WDPCP: variants seen among roughly 807,000 people sequenced by gnomAD.
WDPCP encodes the protein WD repeat-containing and planar cell polarity effector protein fritz homolog.
In WDPCP, 71 loss-of-function variants were observed where a neutral mutation model predicts 93.1. The ratio of observed to expected loss-of-function variants is 0.76; its 90% CI spans 0.63 to 0.93. WDPCP has a LOEUF of 0.93. WDPCP is among the 40% of genes least tolerant of loss of function. The pLI, the probability that WDPCP is intolerant of heterozygous loss-of-function variation, is 0.00. For missense variants in WDPCP, 844 were observed against 887.4 expected (o/e 0.95, Z 0.62); for synonymous variants, 315 against 315.0 (o/e 1.00, Z 0.00).
upstream of WDPCP, chr2:63,589,137 G>C: frequency 6.2e-7 from 1 of 1,613,726 alleles, no homozygotes; most frequent in Non-Finnish European, 8.5e-7. Flanking sequence ...GGAGGCAGCT[G>C]TGCAAGGCAC....
At chr2:63,520,364 T>C (rs1023327467) in intron 1 of WDPCP, among the ~76,000 whole-genome samples, 2 of 152,158 alleles carry the variant, frequency 1.3e-5, no homozygotes, top group African/African-American at 4.8e-5. Context: ...GAGGCCAACA[T>C]TCAAATTCAG....
At chr2:63,405,997 G>C (rs1042522223) in intron 9 of WDPCP, among the ~76,000 whole-genome samples, 1 of 152,136 alleles carries the variant, frequency 6.6e-6, no homozygotes, top group African/African-American at 2.4e-5. Flanking sequence ...AGTAATGTAA[G>C]ATGTCACTGG....
chr2:63,754,806 T>A (rs2103894872), intron 2 of WDPCP, among the ~76,000 whole-genome samples: 1 of 152,360 alleles, frequency 6.6e-6, no homozygotes, highest in East Asian at 1.9e-4. Context: ...TGCTGCTGCA[T>A]AACAAACTTA....
At chr2:63,343,626 G>C (rs1689001461) in intron 12 of WDPCP, among the ~76,000 whole-genome samples, 1 of 152,030 alleles carries the variant, frequency 6.6e-6, no homozygotes, top group Non-Finnish European at 1.5e-5. Flanking sequence ...TCTTCTGATA[G>C]TCTTTCTTCT....
intron 15 of WDPCP, among the ~76,000 whole-genome samples, chr2:63,156,592 G>T (rs1672267536): frequency 6.6e-6 from 1 of 151,934 alleles, no homozygotes; most frequent in African/African-American, 2.4e-5. Context: ...AAAAAAATTA[G>T]CCAGGCGTGG....
chr2:63,651,470 CACAG>C (rs1710108847), intron 2 of WDPCP, among the ~76,000 whole-genome samples: 3 of 151,742 alleles, frequency 2.0e-5, no homozygotes, highest in Admixed American at 6.6e-5. Context: ...CACACACACA[CACAG>C]AGAGACTTAT....
intron 2 of WDPCP, among the ~76,000 whole-genome samples, chr2:63,671,097 T>C (rs530647884): frequency 8.5e-5 from 13 of 152,148 alleles, no homozygotes; most frequent in Non-Finnish European, 1.5e-4. Context: ...GAGTAATTCC[T>C]AGACTGCCCA....
intron 6 of WDPCP, among the ~76,000 whole-genome samples, chr2:63,457,541 A>G (rs1046467421): frequency 2.0e-5 from 3 of 152,230 alleles, no homozygotes; most frequent in African/African-American, 7.2e-5. Flanking sequence ...ATAAAAATAG[A>G]TGCAAAAATC....
chr2:63,808,632 G>A lies in WDPCP; in HGVS notation n.308+4990C>T, dbSNP rs561693190. Among the ~76,000 whole-genome samples, 26 of 152,326 alleles carry A rather than the reference G, an allele frequency of 1.7e-4. No homozygotes were observed. The South Asian group carries it at 3.5e-3, about 21-fold the overall frequency. On this transcript the variant is annotated intron_variant and non_coding_transcript_variant, in intron 2 of 4. Transcript: ENST00000467687. ...GTGCCGGGATTGCAGACGGAGTCTC[G>A]TTCACTTAGTGCTCAATGGTGCCCA...
upstream of WDPCP, chr2:63,588,767 AG>A (rs1558854443): frequency 1.8e-6 from 1 of 545,936 alleles, no homozygotes; most frequent in East Asian, 3.2e-5. Flanking sequence ...GCTCATCCTC[AG>A]GGACTACTTT....
chr2:63,336,110 T>C (rs1688346870), intron 12 of WDPCP, among the ~76,000 whole-genome samples: 1 of 152,232 alleles, frequency 6.6e-6, no homozygotes, highest in South Asian at 2.1e-4. Context: ...GGCTGCTCTA[T>C]AGAGTAGCCA....
intron 14 of WDPCP, among the ~76,000 whole-genome samples, chr2:63,204,235 A>G (rs902670009): frequency 5.9e-5 from 9 of 151,852 alleles, no homozygotes; most frequent in Admixed American, 3.9e-4. Context: ...CTTTTGGATA[A>G]TAGCCATTTT....
intron 3 of WDPCP, chr2:63,643,422 A>G (rs557208105): frequency 5.1e-5 from 16 of 314,730 alleles, no homozygotes; most frequent in Middle Eastern, 4.1e-4. Flanking sequence ...TGCCACTGGC[A>G]TCTTTCACAT....
At chr2:63,220,776 C>G (rs989225818) in intron 14 of WDPCP, among the ~76,000 whole-genome samples, 1 of 152,020 alleles carries the variant, frequency 6.6e-6, no homozygotes, top group African/African-American at 2.4e-5. Flanking sequence ...AAACATGTGC[C>G]ATGGTGGTTT....
At chr2:63,743,703 G>T (rs1342353477) in intron 2 of WDPCP, among the ~76,000 whole-genome samples, 1 of 152,028 alleles carries the variant, frequency 6.6e-6, no homozygotes, top group Non-Finnish European at 1.5e-5. Context: ...GATCTTATTA[G>T]GGAGATTACA....
chr2:63,716,590 A>G (rs1357168811), intron 2 of WDPCP, among the ~76,000 whole-genome samples: 1 of 152,194 alleles, frequency 6.6e-6, no homozygotes. Flanking sequence ...TTTTGTTTCT[A>G]GTTGCTATCA....
intron 3 of WDPCP, among the ~76,000 whole-genome samples, chr2:63,635,841 A>G (rs1243553478): frequency 6.6e-6 from 1 of 152,196 alleles, no homozygotes; most frequent in Non-Finnish European, 1.5e-5. Context: ...TTAACATAGT[A>G]CTGGAAGTCC....
intron 15 of WDPCP, 101 bp downstream of exon 15, chr2:63,174,568 TC>T: frequency 6.6e-7 from 1 of 1,513,342 alleles, no homozygotes; most frequent in Admixed American, 1.7e-5. Flanking sequence ...CAAATTTTTC[TC>T]CTTGACATTT....
At chr2:63,302,045 G>A (rs1282145809) in intron 13 of WDPCP, among the ~76,000 whole-genome samples, 2 of 152,136 alleles carry the variant, frequency 1.3e-5, no homozygotes, top group African/African-American at 4.8e-5. Context: ...AAGCAACTTC[G>A]AAGGGAACCA....
Sources: gnomAD v4.1 joint callset for allele counts (sites outside exome capture counted in the v4.1 genomes callset) on GRCh38, gnomAD v4.1.1 for gene constraint, MANE v1.5 for transcripts, NCBI Gene and HGNC (gene_info 2026-07-23, HGNC 2026-07-21) for gene names.